PRLR: variants seen among roughly 807,000 people sequenced by gnomAD.
The protein encoded by PRLR is prolactin receptor.
Under a neutral mutation model 40.2 loss-of-function variants are expected in PRLR, and 13 were observed. The observed-to-expected ratio is 0.32, with a 90% CI of 0.21 to 0.51. The LOEUF (loss-of-function observed/expected upper bound fraction) is 0.51, where lower values mean the gene tolerates loss of function less well. PRLR is among the 20% of genes least tolerant of loss of function. PRLR has a pLI of 0.97. For missense variants in PRLR, 656 were observed against 747.3 expected, an observed-to-expected ratio of 0.88 and a Z score of 1.42; for synonymous variants, 269 against 278.7, an observed-to-expected ratio of 0.97 and a Z score of 0.35.
intron 1 of PRLR, among the ~76,000 whole-genome samples, chr5:35,213,477 C>T (rs893891708): frequency 6.6e-6 from 1 of 152,168 alleles, no homozygotes; most frequent in African/African-American, 2.4e-5. Context: ...ATTTGGAGCT[C>T]ATGTTACTGC....
intron 1 of PRLR, chr5:35,135,501 C>G (rs550281265): frequency 6.6e-6 from 1 of 152,514 alleles, no homozygotes; most frequent in South Asian, 2.1e-4. Flanking sequence ...TCGGCCTGTT[C>G]TGTCCTGATT....
At chr5:35,055,282 G>T (rs1325532706), downstream of PRLR, among the ~76,000 whole-genome samples, 2 of 152,116 alleles carry the variant, frequency 1.3e-5, no homozygotes, top group South Asian at 4.1e-4. Flanking sequence ...TCGAATCTCA[G>T]GTTTGGAAAC....
Position 35,065,842 on chromosome 5 carries a change from G to T in PRLR, c.1116C>A (p.Ser372=), listed in dbSNP as rs1769334777. ...EKCEEPQANP[S]TFYDPEVIEK... ...CAATGACCTCAGGATCATAGAATGT[G>T]GAGGGATTGGCCTGGGGTTCCTCAC... The change falls in exon 10 of 10, where the codon TCC becomes TCA. Residue 372 remains serine, a synonymous_variant. Coordinates refer to ENST00000618457, the MANE Select transcript of PRLR (RefSeq NM_000949.7). 2 of 1,614,166 alleles carry T rather than the reference G, an allele frequency of 1.2e-6. No individual in the cohort carries two copies. Among genetic ancestry groups the T allele is most frequent in the Admixed American group, 1.7e-5 (1 of 60,022 alleles).
intron 1 of PRLR, among the ~76,000 whole-genome samples, chr5:35,180,537 T>C (rs1342586002): frequency 1.3e-5 from 2 of 152,124 alleles, no homozygotes; most frequent in Non-Finnish European, 2.9e-5. Context: ...GCTTCCTGTA[T>C]AGCCTGCAGA....
intron 3 of PRLR, among the ~76,000 whole-genome samples, chr5:35,088,076 C>T (rs1454741467): frequency 2.6e-5 from 4 of 152,104 alleles, no homozygotes; most frequent in Admixed American, 2.0e-4. Flanking sequence ...AGGAGAAATG[C>T]GTGGGAAGAG....
chr5:35,103,957 T>C (rs2111568626), intron 2 of PRLR, among the ~76,000 whole-genome samples: 1 of 152,324 alleles, frequency 6.6e-6, no homozygotes, highest in Non-Finnish European at 1.5e-5. Context: ...TTCCTTTTTT[T>C]TTTAAAGCTG....
rs1042477830 is a variant in PRLR, at chr5:35,060,284, G to C, written c.*4805C>G. ...GCTACTAACTCTTAGGAAAATAGTAGGCTCTGGAGAAGGAGTAAAAACCCT... is the reference window on the plus strand; with the variant it reads ...GCTACTAACTCTTAGGAAAATAGTACGCTCTGGAGAAGGAGTAAAAACCCT... On this transcript the variant is annotated 3_prime_UTR_variant, in exon 10 of 10. Coordinates refer to ENST00000618457, the MANE Select transcript of PRLR (RefSeq NM_000949.7). 2.6e-5 allele frequency: 4 copies of C among 152,116 alleles called. No homozygotes were observed. The highest frequency in any genetic ancestry group is 4.1e-4 in the South Asian group (2 of 4,828). The allele number at this position is 152,116 out of a possible 1,614,324, so 9.4% of individuals were successfully genotyped here.
chr5:35,096,694 C>T (rs901833088), intron 2 of PRLR, among the ~76,000 whole-genome samples: 1 of 151,698 alleles, frequency 6.6e-6, no homozygotes, highest in African/African-American at 2.4e-5. Context: ...GATTTCAGCT[C>T]ACTGCAGCCT....
chr5:35,135,192 G>C (rs1256757281), intron 1 of PRLR: 1 of 151,126 alleles, frequency 6.6e-6, no homozygotes, highest in African/African-American at 2.4e-5. Flanking sequence ...AAATAATTCT[G>C]TCCTAGGGAA....
chr5:35,122,297 A>G (rs1773317753), intron 1 of PRLR, among the ~76,000 whole-genome samples: 1 of 152,074 alleles, frequency 6.6e-6, no homozygotes, highest in Non-Finnish European at 1.5e-5. Flanking sequence ...GGTTTGTTAC[A>G]TAGGTAAACA....
chr5:35,131,833 G>A (rs1773692247), intron 1 of PRLR, among the ~76,000 whole-genome samples: 1 of 152,154 alleles, frequency 6.6e-6, no homozygotes, highest in African/African-American at 2.4e-5. Context: ...CCTGTGAAAA[G>A]CCAGTGATAG....
intron 2 of PRLR, among the ~76,000 whole-genome samples, chr5:35,114,345 T>G (rs573769230): frequency 1.3e-5 from 2 of 152,330 alleles, no homozygotes; most frequent in South Asian, 2.1e-4. Flanking sequence ...GTGCCCTGCT[T>G]TCCTCAGTCA....
intron 1 of PRLR, among the ~76,000 whole-genome samples, chr5:35,165,955 T>C (rs1475737685): frequency 6.6e-6 from 1 of 152,188 alleles, no homozygotes; most frequent in Non-Finnish European, 1.5e-5. Flanking sequence ...CTTTGAAACA[T>C]GTCCAATATT....
intron 2 of PRLR, among the ~76,000 whole-genome samples, chr5:35,113,416 TCCATCCAC>T (rs1255362260): frequency 3.6e-5 from 5 of 138,526 alleles, no homozygotes; most frequent in African/African-American, 1.1e-4. Flanking sequence ...CATCCATCCA[TCCATCCAC>T]CCATCCATCC....
rs1768981725 is a variant in PRLR, at chr5:35,060,628, A to G, written c.*4461T>C. ...GTGCCTACTTAGTCGTGGTGATGTG[A>G]TTTAGTCTTGGACATTGAGTGCTCA... On this transcript the variant is annotated 3_prime_UTR_variant, in exon 10 of 10. Transcript: ENST00000618457. 6.6e-6 allele frequency: 1 copy of G among 152,210 alleles called. No homozygotes were observed. The highest frequency in any genetic ancestry group is 1.5e-5 in the Non-Finnish European group (1 of 68,044). The allele number at this position is 152,210 out of a possible 1,614,324, so 9.4% of individuals were successfully genotyped here.
chr5:35,145,338 A>T (rs1774152352), intron 1 of PRLR, among the ~76,000 whole-genome samples: 1 of 152,206 alleles, frequency 6.6e-6, no homozygotes, highest in Non-Finnish European at 1.5e-5. Context: ...CCTCCATTAG[A>T]TGAATCATTG....
chr5:35,178,452 G>T (rs1266981526), intron 1 of PRLR, among the ~76,000 whole-genome samples: 2 of 152,182 alleles, frequency 1.3e-5, no homozygotes, highest in Admixed American at 1.3e-4. Flanking sequence ...GGTAGAATTT[G>T]TCTGCGTGTA....
rs946487231 is a variant in PRLR at position 35,059,001 on chromosome 5, T to G, written c.*6088A>C. ...TTCAGGAATTTCATAAAACAAATTA[T>G]TTTTCAGCGGTATCTTCGCCATATA... On this transcript the variant is annotated 3_prime_UTR_variant, in exon 10 of 10. Coordinates refer to ENST00000618457, the MANE Select transcript of PRLR (RefSeq NM_000949.7). 3.9e-5 allele frequency: 6 copies of G among 152,176 alleles called. No homozygotes were observed. Among genetic ancestry groups the G allele is most frequent in the Non-Finnish European group, 7.4e-5 (5 of 68,022 alleles). 9.4% of individuals were successfully genotyped at this position (152,176 alleles called of 1,614,324 possible).
intron 1 of PRLR, among the ~76,000 whole-genome samples, chr5:35,176,683 A>G (rs1392044590): frequency 6.6e-6 from 1 of 152,194 alleles, no homozygotes; most frequent in Non-Finnish European, 1.5e-5. Context: ...AAACTGCGGA[A>G]GGCCGCAGGG....
Sources: allele counts gnomAD v4.1 joint callset (sites outside exome capture counted in the v4.1 genomes callset), GRCh38; gene constraint gnomAD v4.1.1; transcripts MANE v1.5; gene names NCBI Gene and HGNC (gene_info 2026-07-23, HGNC 2026-07-21).